SLC28A1: variants seen among roughly 807,000 people sequenced by gnomAD.
SLC28A1 encodes the protein solute carrier family 28 member 1, also known as sodium/nucleoside cotransporter 1.
A neutral mutation model predicts 74.8 loss-of-function variants in SLC28A1; 64 were observed. The ratio of observed to expected loss-of-function variants is 0.86; its 90% CI spans 0.70 to 1.05. The LOEUF (loss-of-function observed/expected upper bound fraction) is 1.05, where lower values mean the gene tolerates loss of function less well. SLC28A1 is among the 50% of genes least tolerant of loss of function. The pLI, the probability that SLC28A1 is intolerant of heterozygous loss-of-function variation, is 0.00. For missense variants in SLC28A1, 828 were observed against 822.8 expected (o/e 1.01, Z -0.08); for synonymous variants, 359 against 335.0 (o/e 1.07, Z -0.78).
At chr15:84,893,862 T>G (rs2007154) in intron 5 of SLC28A1, among the ~76,000 whole-genome samples, 146,547 of 152,306 alleles carry the variant, frequency 0.96, 70,529 homozygotes, top group Admixed American at 0.98. Context: ...AGGAAGCCAG[T>G]CACAGGGCTT....
chr15:84,936,721 A>T (rs985757125), intron 15 of SLC28A1, among the ~76,000 whole-genome samples: 2 of 152,194 alleles, frequency 1.3e-5, no homozygotes, highest in Non-Finnish European at 1.5e-5. Context: ...CCCAGATAAT[A>T]GTTATTGTTG....
rs1164319419 is a variant in SLC28A1, at chr15:84,904,945, C to T, written c.604-594C>T. 2.6e-5 allele frequency among the ~76,000 whole-genome samples: 4 copies of T among 152,206 alleles called. No individual in the cohort carries two copies. The East Asian group carries it at 7.7e-4, about 29-fold the overall frequency. On this transcript the variant is annotated intron_variant, in intron 7 of 18. Transcript: ENST00000394573. ...GTTTCACAGTGTGGCTACCACCTTCCCCAGGCTACAGCCAAGCCTCCCAGG... is the reference window on the plus strand; with the variant it reads ...GTTTCACAGTGTGGCTACCACCTTCTCCAGGCTACAGCCAAGCCTCCCAGG...
chr15:84,938,591 C>G (rs1185531805), intron 15 of SLC28A1: 3 of 152,088 alleles, frequency 2.0e-5, no homozygotes, highest in African/African-American at 7.2e-5. Flanking sequence ...AGGTGCCAGG[C>G]ATTCTGCTAG....
chr15:84,919,805 C>A (rs1375288766), intron 10 of SLC28A1, among the ~76,000 whole-genome samples: 8 of 152,080 alleles, frequency 5.3e-5, no homozygotes, highest in African/African-American at 1.9e-4. Context: ...TTTTATTTGG[C>A]AATCAAATTT....
intron 5 of SLC28A1, among the ~76,000 whole-genome samples, chr15:84,892,637 G>A (rs3825876): frequency 0.34 from 51,236 of 152,040 alleles, 9,313 homozygotes; most frequent in Non-Finnish European, 0.42. Context: ...TGATTTCTCT[G>A]GCTTTTCAAT....
intron 8 of SLC28A1, among the ~76,000 whole-genome samples, chr15:84,906,056 G>A (rs1283913254): frequency 7.6e-6 from 1 of 132,308 alleles, no homozygotes; most frequent in South Asian, 2.3e-4. Context: ...GTCTCGCTTT[G>A]TCACCCAGGC....
At chr15:84,968,299 G>T in the SLC28A1 span, among the ~76,000 whole-genome samples, 1 of 152,186 alleles carries the variant, frequency 6.6e-6, no homozygotes, top group African/African-American at 2.4e-5. Flanking sequence ...TCAGTCTGAT[G>T]CCTGGTTTGG....
At chr15:84,929,492 C>T in intron 12 of SLC28A1, among the ~76,000 whole-genome samples, 1 of 150,276 alleles carries the variant, frequency 6.7e-6, no homozygotes, top group East Asian at 2.0e-4. Flanking sequence ...TGCAGTGAGC[C>T]GAGATCGCCC....
intron 9 of SLC28A1, among the ~76,000 whole-genome samples, chr15:84,909,513 G>A (rs566199155): frequency 3.7e-4 from 57 of 152,350 alleles, no homozygotes; most frequent in African/African-American, 1.3e-3. Context: ...CTGTGCGGAG[G>A]ATGAGGATGC....
At chr15:84,926,864 C>A (rs1970582853) in intron 12 of SLC28A1, among the ~76,000 whole-genome samples, 1 of 152,008 alleles carries the variant, frequency 6.6e-6, no homozygotes, top group Non-Finnish European at 1.5e-5. Flanking sequence ...TCTTTAATCC[C>A]AAATTCCACC....
intron 10 of SLC28A1, among the ~76,000 whole-genome samples, chr15:84,920,703 GGTGT>G (rs61457641): frequency 7.3e-6 from 1 of 137,282 alleles, no homozygotes; most frequent in African/African-American, 2.5e-5. Context: ...ATCTCCAAGG[GGTGT>G]GTGTGTGTGT....
intron 10 of SLC28A1, among the ~76,000 whole-genome samples, chr15:84,919,878 A>G (rs977155021): frequency 2.0e-5 from 3 of 152,196 alleles, no homozygotes; most frequent in African/African-American, 7.2e-5. Flanking sequence ...CACACAGCAT[A>G]GCATAAAGGA....
In SLC28A1 at chr15:84,924,071, C is replaced by T. The variant is rs1970190487; in HGVS notation, c.1044C>T (p.Thr348=). The T allele has an allele frequency of 7.4e-6, 12 of 1,613,928 alleles. No homozygotes were observed. In the East Asian group the frequency reaches 2.7e-4, roughly 36 times the overall value. The change falls in exon 12 of 19, where the codon ACC becomes ACT. Residue 348 remains threonine (T), a synonymous_variant. Coordinates refer to ENST00000394573, the MANE Select transcript of SLC28A1 (RefSeq NM_004213.5). The part of the protein sequence containing the change: ...VHVVMTGGYA[T]IAGSLLGAYI... ...TTGTCATGACCGGAGGTTACGCCAC[C>T]ATTGCTGGCAGCCTGCTGGGTGCCT... is the stretch of plus-strand genomic sequence containing the variant.
At chr15:84,951,380 T>C in the SLC28A1 span, among the ~76,000 whole-genome samples, 3 of 150,366 alleles carry the variant, frequency 2.0e-5, no homozygotes, top group Non-Finnish European at 4.4e-5. Context: ...CAGTGAGCCA[T>C]GACCCACTGC....
Position 84,944,811 on chromosome 15 carries a change from G to A in SLC28A1, c.1818G>A (p.Thr606=), listed in dbSNP as rs746844935. The change falls in exon 18 of 19, where the codon ACG becomes ACA. Residue 606 remains threonine, a synonymous_variant. Coordinates refer to ENST00000394573, the MANE Select transcript of SLC28A1 (RefSeq NM_004213.5). The stretch of plus-strand genomic sequence containing the variant: ...TTGACTGCATGTCCCTCTTGAACAC[G>A]ACCCTCAGCAGCAGTAGCTTTGAGA... ...AEVDCMSLLN[T]TLSSSSFEIY... is the part of the protein sequence containing the mutation. The A allele has an allele frequency of 5.6e-6, 9 of 1,614,094 alleles. No homozygotes were observed. Among genetic ancestry groups the A allele is most frequent in the African/African-American group, 1.3e-5 (1 of 75,050 alleles).
At chr15:84,949,258 A>T (rs1380040084), downstream of SLC28A1, among the ~76,000 whole-genome samples, 1 of 152,224 alleles carries the variant, frequency 6.6e-6, no homozygotes, top group Non-Finnish European at 1.5e-5. Context: ...GTCGAAGATG[A>T]AGCCAGAACA....
intron 8 of SLC28A1, among the ~76,000 whole-genome samples, chr15:84,907,893 T>C (rs1248524032): frequency 2.0e-5 from 3 of 152,202 alleles, no homozygotes; most frequent in Non-Finnish European, 2.9e-5. Flanking sequence ...TTTCTGGTCA[T>C]GTCCCCATTT....
intron 9 of SLC28A1, among the ~76,000 whole-genome samples, chr15:84,912,797 T>TGCGCGCGCGCGTGCGC (rs148740007): frequency 0.014 from 1,604 of 118,044 alleles, 56 homozygotes; most frequent in African/African-American, 0.048. Context: ...TGCCAAATTT[T>TGCGCGCGCGCGTGCGC]GCGCGCGCGC....
At chr15:84,921,670 T>C (rs1424840846) in intron 11 of SLC28A1, among the ~76,000 whole-genome samples, 1 of 152,206 alleles carries the variant, frequency 6.6e-6, no homozygotes, top group African/African-American at 2.4e-5. Flanking sequence ...GAAGATGCCA[T>C]ATTTCACTGG....
Sources: gnomAD v4.1 joint callset for allele counts (sites outside exome capture counted in the v4.1 genomes callset) on GRCh38, gnomAD v4.1.1 for gene constraint, MANE v1.5 for transcripts, NCBI Gene and HGNC (gene_info 2026-07-23, HGNC 2026-07-21) for gene names.